Variants in ACCSL observed in about 807,000 individuals in gnomAD.
ACCSL encodes probable inactive 1-aminocyclopropane-1-carboxylate synthase-like protein 2.
In ACCSL, 55 loss-of-function variants were observed where a neutral mutation model predicts 61.7. The observed-to-expected ratio is 0.89, with a 90% CI of 0.72 to 1.12. ACCSL has a LOEUF of 1.12. ACCSL is among the 50% of genes most tolerant of loss of function. The probability of loss-of-function intolerance (pLI) is 0.00; values close to 1 mark genes in which losing one functional copy is unlikely to be tolerated. For missense variants in ACCSL, 632 were observed against 698.0 expected, an observed-to-expected ratio of 0.91 and a Z score of 1.07; for synonymous variants, 258 against 264.3, an observed-to-expected ratio of 0.98 and a Z score of 0.23.
At chr11:44,003,243 G>C in the ACCSL span, among the ~76,000 whole-genome samples, 3 of 152,178 alleles carry the variant, frequency 2.0e-5, no homozygotes, top group Admixed American at 2.0e-4. Flanking sequence ...AGAGGACATG[G>C]TGTTTGCAGC....
chr11:44,036,470 G>A, the ACCSL span, among the ~76,000 whole-genome samples: 5 of 152,190 alleles, frequency 3.3e-5, no homozygotes, highest in Non-Finnish European at 5.9e-5. Context: ...ATGGAACCCA[G>A]GGCCCAGTAT....
the ACCSL span, among the ~76,000 whole-genome samples, chr11:43,990,192 G>A: frequency 6.6e-6 from 1 of 152,234 alleles, no homozygotes. Context: ...TCATTGGTTT[G>A]TGGGGAAGAG....
At chr11:43,947,695 G>A in the ACCSL span, among the ~76,000 whole-genome samples, 1 of 151,766 alleles carries the variant, frequency 6.6e-6, no homozygotes, top group Non-Finnish European at 1.5e-5. Flanking sequence ...AGAGACAGAA[G>A]GATAAAGGCC....
chr11:44,031,425 C>T, the ACCSL span, among the ~76,000 whole-genome samples: 208 of 152,210 alleles, frequency 1.4e-3, no homozygotes, highest in African/African-American at 4.5e-3. Flanking sequence ...TGAAGATGCT[C>T]GTTTTTCCTA....
chr11:43,956,092 A>G, the ACCSL span, among the ~76,000 whole-genome samples: 2 of 85,198 alleles, frequency 2.3e-5, no homozygotes, highest in African/African-American at 1.1e-4. Context: ...AGATTTATAG[A>G]AAAAAAAAAA....
At chr11:43,945,278 A>G in the ACCSL span, 2 of 152,296 alleles carry the variant, frequency 1.3e-5, no homozygotes, top group Admixed American at 1.3e-4. Context: ...CAGCCAGGGC[A>G]GCTGCCACCA....
the ACCSL span, among the ~76,000 whole-genome samples, chr11:43,995,807 A>G: frequency 6.6e-6 from 1 of 152,192 alleles, no homozygotes; most frequent in Non-Finnish European, 1.5e-5. Context: ...TGGCTGTGGG[A>G]AGACTTGGCC....
chr11:43,997,058 G>A, the ACCSL span, among the ~76,000 whole-genome samples: 23 of 151,966 alleles, frequency 1.5e-4, no homozygotes, highest in Non-Finnish European at 2.2e-4. Context: ...TGATCCACCC[G>A]CCTCAGTCTC....
chr11:44,049,267 A>G (rs1385907880), intron 1 of ACCSL, among the ~76,000 whole-genome samples: 1 of 151,884 alleles, frequency 6.6e-6, no homozygotes, highest in Non-Finnish European at 1.5e-5. Context: ...AAAAAATACA[A>G]AAACTAGCCA....
chr11:43,953,939 G>C, the ACCSL span, among the ~76,000 whole-genome samples: 1 of 152,166 alleles, frequency 6.6e-6, no homozygotes, highest in Non-Finnish European at 1.5e-5. Context: ...TCTTGTGAGA[G>C]ATCCAAGCAC....
At chr11:43,942,465 G>A in the ACCSL span, 2 of 214,116 alleles carry the variant, frequency 9.3e-6, no homozygotes, top group South Asian at 4.4e-5. Flanking sequence ...GCCGGTTGGC[G>A]GGGGGCGGGC....
the ACCSL span, among the ~76,000 whole-genome samples, chr11:44,036,539 T>C: frequency 2.6e-5 from 4 of 152,100 alleles, no homozygotes; most frequent in Non-Finnish European, 1.5e-5. Context: ...CCCAGCACTT[T>C]AGGAGGCCAA....
At chr11:44,005,854 G>C in the ACCSL span, among the ~76,000 whole-genome samples, 1 of 152,158 alleles carries the variant, frequency 6.6e-6, no homozygotes, top group Non-Finnish European at 1.5e-5. Context: ...CAGGCATGTA[G>C]GATTTTGTCT....
chr11:44,033,555 G>T, the ACCSL span, among the ~76,000 whole-genome samples: 1 of 152,180 alleles, frequency 6.6e-6, no homozygotes, highest in Non-Finnish European at 1.5e-5. Context: ...CAGGGCTGAG[G>T]TCATTTGATC....
At chr11:43,964,642 C>T in the ACCSL span, among the ~76,000 whole-genome samples, 1 of 152,230 alleles carries the variant, frequency 6.6e-6, no homozygotes, top group South Asian at 2.1e-4. Context: ...AAGCCAAAGA[C>T]ACCAAAAGAC....
the ACCSL span, among the ~76,000 whole-genome samples, chr11:44,042,186 G>A: frequency 0.06 from 9,082 of 152,144 alleles, 500 homozygotes; most frequent in African/African-American, 0.14. Flanking sequence ...TGACTATAAA[G>A]TATGGGGTTT....
At chr11:44,032,950 C>T in the ACCSL span, among the ~76,000 whole-genome samples, 1 of 152,210 alleles carries the variant, frequency 6.6e-6, no homozygotes, top group Non-Finnish European at 1.5e-5. Flanking sequence ...GAGCTCAAGC[C>T]TCCCTGGCGA....
chr11:44,020,292 T>TC, the ACCSL span, among the ~76,000 whole-genome samples: 1 of 73,862 alleles, frequency 1.4e-5, no homozygotes, highest in Non-Finnish European at 3.0e-5. Context: ...GTTTTACTCC[T>TC]TTTTTTTCCA....
chr11:44,052,733 T>C lies in ACCSL; in HGVS notation c.844T>C (p.Leu282=). 1 of 1,613,970 alleles carries C rather than the reference T, an allele frequency of 6.2e-7. No homozygotes were observed. The highest frequency in any genetic ancestry group is 8.5e-7 in the Non-Finnish European group (1 of 1,179,982). Residue 282 remains leucine, a synonymous_variant, in exon 6 of 14, where the codon TTG becomes CTG. Coordinates refer to ENST00000378832, the MANE Select transcript of ACCSL (RefSeq NM_001031854.2). ...FSSRLYAKVE[L]IPVHLESEVT... ...CTCCCGCCTGTATGCAAAGGTTGAGTTGATTCCTGTCCACCTGGAGAGTGA... is the reference window on the plus strand; with the variant it reads ...CTCCCGCCTGTATGCAAAGGTTGAGCTGATTCCTGTCCACCTGGAGAGTGA...
Sources: allele counts gnomAD v4.1 joint callset (sites outside exome capture counted in the v4.1 genomes callset), GRCh38; gene constraint gnomAD v4.1.1; transcripts MANE v1.5; gene names NCBI Gene and HGNC (gene_info 2026-07-23, HGNC 2026-07-21).